The following BIRC6 variants were observed in gnomAD, a reference collection of about 807,000 sequenced individuals.
BIRC6 encodes dual E2 ubiquitin-conjugating enzyme/E3 ubiquitin-protein ligase BIRC6.
In BIRC6, 98 loss-of-function variants were observed where a neutral mutation model predicts 503.3. The observed-to-expected ratio is 0.19, with a 90% CI of 0.17 to 0.23. BIRC6 has a LOEUF of 0.23. BIRC6 is among the 10% of genes least tolerant of loss of function. The pLI is 1.00. For synonymous variants in BIRC6, 2,240 were observed against 2,078.7 expected, an observed-to-expected ratio of 1.08 and a Z score of -2.11; for missense variants, 5,360 against 5,806.0, an observed-to-expected ratio of 0.92 and a Z score of 2.50.
In BIRC6 at chr2:32,357,083, G is replaced by C. The variant is rs565034286; in HGVS notation, c.-79G>C. 8.7e-6 allele frequency: 11 copies of C among 1,267,226 alleles called. 1 individual carries two copies. In the South Asian group the frequency reaches 1.1e-4, roughly 13 times the overall value. The allele number at this position is 1,267,226 out of a possible 1,614,324, so 78.5% of individuals were successfully genotyped here. ...CCCTCCGAGTTTGGCCCCTCCGGCC[G>C]GGCGATCGACGTTCCGCGTGCGTGC... On this transcript the variant is annotated 5_prime_UTR_variant, in exon 1 of 74. Coordinates refer to ENST00000421745, the MANE Select transcript of BIRC6 (RefSeq NM_016252.4). This position sits in a 1 kb window ranked among gnomAD's most constrained non-coding sequence, Gnocchi z 4.9.
Position 32,357,147 on chromosome 2 carries a change from GC to G in BIRC6, c.-10del. ...CACTTCCGGCTAACGCGCTCGGCTT[GC>G]CCCCTGGCCCCGGATGGTGACTGGT... On this transcript the variant is annotated 5_prime_UTR_variant, in exon 1 of 74. Transcript: ENST00000421745. This position sits in a 1 kb window ranked among gnomAD's most constrained non-coding sequence, Gnocchi z 4.9. 22 of 1,481,808 alleles carry G rather than the reference GC, an allele frequency of 1.5e-5. No homozygotes were observed. The highest frequency in any genetic ancestry group is 2.8e-5 in the Admixed American group (1 of 36,088). 91.8% of individuals were successfully genotyped at this position (1,481,808 alleles called of 1,614,324 possible).
In BIRC6 at chr2:32,499,903, C is replaced by T. The variant is rs1423937664; in HGVS notation, c.8825C>T (p.Ala2942Val). The T allele has an allele frequency of 6.2e-7, 1 of 1,613,980 alleles. No homozygotes were observed. The highest frequency in any genetic ancestry group is 8.5e-7 in the Non-Finnish European group (1 of 1,179,884). The change falls in exon 46 of 74, where the codon GCA (alanine) becomes GTA (valine). Residue 2942 changes from alanine to valine, a missense_variant. By Grantham distance (64) the Ala-to-Val change is moderately conservative. Around this residue, in one of 16 missense-constraint regions of BIRC6, gnomAD observed 2,299 missense variants for 2,267.2 expected, o/e 1.01. Transcript: ENST00000421745. The stretch of plus-strand genomic sequence containing the variant: ...CTTTCAGGCAATAGGGAATACAGTG[C>T]AAGAGTGTCTGTGACCACAAATACA... The part of the protein sequence containing the change: ...LPLSGNREYS[A>V]RVSVTTNTTD...
chr2:32,446,475 G>C (rs936679985), intron 21 of BIRC6, among the ~76,000 whole-genome samples: 16 of 152,162 alleles, frequency 1.1e-4, no homozygotes, highest in African/African-American at 3.9e-4. Flanking sequence ...TAATTTCCTA[G>C]GTTAGATGTT....
chr2:32,515,916 T>TC (rs1456811884), intron 55 of BIRC6, 146 bp downstream of exon 55: 3 of 737,332 alleles, frequency 4.1e-6, no homozygotes, highest in Non-Finnish European at 6.4e-6. Flanking sequence ...ATCTCCTTTC[T>TC]CCCCCTCAAA....
chr2:32,430,271 A>G (rs1305322129), intron 11 of BIRC6, among the ~76,000 whole-genome samples: 1 of 152,198 alleles, frequency 6.6e-6, no homozygotes, highest in Non-Finnish European at 1.5e-5. Context: ...GAATACATGT[A>G]TAGCATTTGT....
At chr2:32,575,480 C>A in intron 66 of BIRC6, 114 bp downstream of exon 66, 2 of 967,812 alleles carry the variant, frequency 2.1e-6, no homozygotes, top group Non-Finnish European at 3.1e-6. Flanking sequence ...CATATACACC[C>A]TCGGCTGGGT....
chr2:32,459,868 T>A (rs1173767470), intron 23 of BIRC6, among the ~76,000 whole-genome samples: 1 of 151,766 alleles, frequency 6.6e-6, no homozygotes, highest in Non-Finnish European at 1.5e-5. Flanking sequence ...CATTTGGTAT[T>A]TGTGTATAAA....
chr2:32,552,788 C>A (rs1329918959), intron 65 of BIRC6, among the ~76,000 whole-genome samples: 2 of 151,414 alleles, frequency 1.3e-5, no homozygotes, highest in Non-Finnish European at 2.9e-5. Flanking sequence ...CAGAGGGAAA[C>A]CCTGTCTCAA....
chr2:32,468,824 C>T, intron 29 of BIRC6, 41 bp downstream of exon 29: 1 of 1,411,276 alleles, frequency 7.1e-7, no homozygotes, highest in South Asian at 1.4e-5. Context: ...TGGGAATATA[C>T]TTGATGTGAT....
intron 23 of BIRC6, among the ~76,000 whole-genome samples, chr2:32,462,232 T>C (rs368373057): frequency 6.6e-6 from 1 of 152,234 alleles, no homozygotes; most frequent in African/African-American, 2.4e-5. Flanking sequence ...TAGAAATATT[T>C]ATGCTGTTAT....
chr2:32,592,313 A>T (rs797020067), intron 66 of BIRC6, among the ~76,000 whole-genome samples: 12 of 152,348 alleles, frequency 7.9e-5, no homozygotes, highest in African/African-American at 2.6e-4. Context: ...CCATTCAGTG[A>T]CATATTATAC....
intron 22 of BIRC6, among the ~76,000 whole-genome samples, chr2:32,451,428 T>C (rs994354843): frequency 6.6e-6 from 1 of 152,198 alleles, no homozygotes; most frequent in Non-Finnish European, 1.5e-5. Flanking sequence ...ATTTGTCTTT[T>C]TGATTTCGTT....
At chr2:32,429,360 T>A in intron 11 of BIRC6, 65 bp downstream of exon 11, 1 of 1,201,956 alleles carries the variant, frequency 8.3e-7, no homozygotes, top group Non-Finnish European at 1.1e-6. Flanking sequence ...TTTTTCTAGT[T>A]GTTGGAAGAT....
At chr2:32,592,067 TGACTC>T (rs1162214929) in intron 66 of BIRC6, among the ~76,000 whole-genome samples, 1 of 152,242 alleles carries the variant, frequency 6.6e-6, no homozygotes, top group Non-Finnish European at 1.5e-5. Context: ...GTATAGTAGT[TGACTC>T]GAGCAGTAAA....
chr2:32,427,356 C>G (rs1323203979), intron 10 of BIRC6, among the ~76,000 whole-genome samples: 1 of 151,984 alleles, frequency 6.6e-6, no homozygotes, highest in Admixed American at 6.6e-5. Flanking sequence ...TATCTCAGCT[C>G]ACTGCAACCT....
Position 32,488,553 on chromosome 2 carries a change from A to C in BIRC6, c.7969-35A>C, listed in dbSNP as rs1184649233. Reference sequence around the variant, plus strand: ...AATTGTATTTCATATTATAATAGGTACATTTTTCTCCTGTTGATTTTCATT... The same window carrying C: ...AATTGTATTTCATATTATAATAGGTCCATTTTTCTCCTGTTGATTTTCATT... On this transcript the variant is annotated intron_variant, in intron 41 of 73. Transcript: ENST00000421745. 2.7e-6 allele frequency: 4 copies of C among 1,481,402 alleles called. No individual in the cohort carries two copies. The African/African-American group carries it at 4.3e-5, about 16-fold the overall frequency. The allele number at this position is 1,481,402 out of a possible 1,614,324, so 91.8% of individuals were successfully genotyped here.
intron 4 of BIRC6, among the ~76,000 whole-genome samples, chr2:32,389,936 C>T (rs530037665): frequency 1.8e-4 from 27 of 149,932 alleles, no homozygotes; most frequent in African/African-American, 4.2e-4. Context: ...CTCGGCTCAC[C>T]GCAACCTCTG....
chr2:32,445,263 A>C (rs1276805765), intron 20 of BIRC6, among the ~76,000 whole-genome samples: 1 of 152,236 alleles, frequency 6.6e-6, no homozygotes, highest in African/African-American at 2.4e-5. Context: ...ATACACCTAA[A>C]TGACTTTATA....
intron 1 of BIRC6, among the ~76,000 whole-genome samples, chr2:32,376,081 G>A (rs1367801695): frequency 6.6e-6 from 1 of 151,864 alleles, no homozygotes; most frequent in Non-Finnish European, 1.5e-5. Context: ...AGCTACTCGG[G>A]AGGCTGAGGC....
Sources: allele counts gnomAD v4.1 joint callset (sites outside exome capture counted in the v4.1 genomes callset), GRCh38; gene constraint gnomAD v4.1.1; regional missense constraint gnomAD v4.1.1; non-coding constraint Gnocchi (gnomAD v3.1); transcripts MANE v1.5; gene names NCBI Gene and HGNC (gene_info 2026-07-23, HGNC 2026-07-21).